Variants in MDFIC observed in about 807,000 individuals in gnomAD.
The protein encoded by MDFIC is myoD family inhibitor domain-containing protein.
Under a neutral mutation model 23.2 loss-of-function variants are expected in MDFIC, and 17 were observed. That is an observed-to-expected ratio of 0.73 (90% CI 0.50 to 1.10). The LOEUF is 1.10. MDFIC is among the 50% of genes least tolerant of loss of function. The probability of loss-of-function intolerance (pLI) is 0.00; values close to 1 mark genes in which losing one functional copy is unlikely to be tolerated. For synonymous variants in MDFIC, 120 were observed against 115.2 expected (o/e 1.04, Z -0.27); for missense variants, 356 against 316.6 (o/e 1.12, Z -0.95).
chr7:115,005,592 A>C (rs1791553761), intron 4 of MDFIC, among the ~76,000 whole-genome samples: 1 of 152,154 alleles, frequency 6.6e-6, no homozygotes, highest in African/African-American at 2.4e-5. Context: ...TATTTTCCCC[A>C]ATTTAAAGTA....
intron 2 of MDFIC, among the ~76,000 whole-genome samples, chr7:114,935,738 G>A (rs1792412103): frequency 6.6e-6 from 1 of 151,892 alleles, no homozygotes; most frequent in East Asian, 1.9e-4. Context: ...ATGTAGATGT[G>A]CGTTCAAAAG....
intron 3 of MDFIC, among the ~76,000 whole-genome samples, chr7:114,950,829 C>G (rs1585099601): frequency 6.6e-6 from 1 of 152,174 alleles, no homozygotes; most frequent in Non-Finnish European, 1.5e-5. Flanking sequence ...ATAGGTAAAG[C>G]TGGGTTTTTA....
intron 4 of MDFIC, among the ~76,000 whole-genome samples, chr7:114,997,877 C>T (rs1365496465): frequency 2.6e-5 from 4 of 152,102 alleles, no homozygotes; most frequent in Non-Finnish European, 5.9e-5. Context: ...CTATTTTTTA[C>T]AGTGACTTCT....
chr7:114,938,960 T>C (rs2115745137), intron 2 of MDFIC, among the ~76,000 whole-genome samples: 1 of 152,278 alleles, frequency 6.6e-6, no homozygotes, highest in Middle Eastern at 3.4e-3. Flanking sequence ...TTGTAATGAG[T>C]AGTGGCTGAC....
intron 4 of MDFIC, chr7:115,014,038 A>G: frequency 1.0e-6 from 1 of 985,432 alleles, no homozygotes; most frequent in Non-Finnish European, 1.2e-6. Flanking sequence ...AGGAAAGAAC[A>G]GTGTGTCCTT....
At chr7:114,929,084 G>GATCTATCGATCTATCTATCTATCT (rs1554470009) in intron 2 of MDFIC, among the ~76,000 whole-genome samples, 2 of 147,960 alleles carry the variant, frequency 1.4e-5, no homozygotes, top group Non-Finnish European at 3.0e-5. Context: ...GATAAATATA[G>GATCTATCGATCTATCTATCTATCT]ATCTATCTAT....
rs139850413 is a variant in MDFIC, at chr7:114,979,869, G to C, written c.493+88G>C. The stretch of plus-strand genomic sequence containing the variant: ...ATTTGATCAAGCATATATAATTGAA[G>C]AATCTTGCTTATCCTTCAGACAAAC... On this transcript the variant is annotated intron_variant, in intron 4 of 4. Coordinates refer to ENST00000393486, the MANE Select transcript of MDFIC (RefSeq NM_001166345.3). 6.3e-4 allele frequency: 921 copies of C among 1,455,944 alleles called. 6 individuals carry two copies. The African/African-American group carries it at 0.012, about 18-fold the overall frequency. 90.2% of individuals were successfully genotyped at this position (1,455,944 alleles called of 1,614,324 possible). A position where few individuals can be genotyped will look rare whatever the true frequency, so the allele number is the denominator to read the frequency against.
chr7:114,934,437 C>A (rs974420952), intron 2 of MDFIC, among the ~76,000 whole-genome samples: 1 of 152,126 alleles, frequency 6.6e-6, no homozygotes, highest in Non-Finnish European at 1.5e-5. Context: ...CCTATTCCTT[C>A]GCATATTTAT....
At chr7:114,925,160 A>G (rs756982039) in intron 2 of MDFIC, among the ~76,000 whole-genome samples, 31 of 152,184 alleles carry the variant, frequency 2.0e-4, no homozygotes, top group Non-Finnish European at 3.8e-4. Context: ...AGGAACATGA[A>G]GGATATGATC....
intron 2 of MDFIC, among the ~76,000 whole-genome samples, chr7:114,928,602 G>A (rs1563134465): frequency 6.6e-6 from 1 of 152,184 alleles, no homozygotes; most frequent in Non-Finnish European, 1.5e-5. Flanking sequence ...TGTTGGGGCT[G>A]TATGAAGGGT....
chr7:115,019,065 A>G lies in MDFIC; in HGVS notation c.*3130A>G, dbSNP rs891935437. 1 of 151,734 alleles carries G rather than the reference A, an allele frequency of 6.6e-6. No homozygotes were observed. Among genetic ancestry groups the G allele is most frequent in the South Asian group, 2.1e-4 (1 of 4,816 alleles). 9.4% of individuals were successfully genotyped at this position (151,734 alleles called of 1,614,324 possible). A position where few individuals can be genotyped will look rare whatever the true frequency, so the allele number is the denominator to read the frequency against. On this transcript the variant is annotated 3_prime_UTR_variant, in exon 5 of 5. Coordinates refer to ENST00000393486, the MANE Select transcript of MDFIC (RefSeq NM_001166345.3). The stretch of plus-strand genomic sequence containing the variant: ...AATTTCATTTATTTACTTTGGAGCT[A>G]TATTTCCACTTAGAAAAACTAAGGT...
chr7:114,951,326 G>T (rs570886316), intron 3 of MDFIC, among the ~76,000 whole-genome samples: 1 of 151,692 alleles, frequency 6.6e-6, no homozygotes, highest in African/African-American at 2.4e-5. Flanking sequence ...TCTCTAAGGT[G>T]AGGTCCCTGA....
chr7:114,983,563 CT>C lies in MDFIC; in HGVS notation c.493+3804del, dbSNP rs11388500. ...AAAGAAGCCTGCACTTCATCAGGTA[CT>C]TTTTTTTTTTTTTTTTTTTTTGAGG... On this transcript the variant is annotated intron_variant, in intron 4 of 4. Coordinates refer to ENST00000393486, the MANE Select transcript of MDFIC (RefSeq NM_001166345.3). Among the ~76,000 whole-genome samples the C allele has an allele frequency of 5.6e-3, 497 of 88,284 alleles. 3 individuals are homozygous for C. Among genetic ancestry groups the C allele is most frequent in the African/African-American group, 0.011 (254 of 22,144 alleles). The allele number at this position is 88,284 out of a possible 152,430, so 57.9% of individuals were successfully genotyped here. A position where few individuals can be genotyped will look rare whatever the true frequency, so the allele number is the denominator to read the frequency against.
intron 3 of MDFIC, among the ~76,000 whole-genome samples, chr7:114,957,622 G>T (rs1792908739): frequency 6.6e-6 from 1 of 152,152 alleles, no homozygotes; most frequent in African/African-American, 2.4e-5. Context: ...GGGAGATGTG[G>T]ATGTTAAAAT....
chr7:114,929,613 C>T (rs773504765), intron 2 of MDFIC, among the ~76,000 whole-genome samples: 2 of 151,996 alleles, frequency 1.3e-5, no homozygotes, highest in African/African-American at 4.8e-5. Context: ...TGAGTGGCAA[C>T]CTAGGAGGAG....
chr7:114,997,569 T>G (rs577415364), intron 4 of MDFIC, among the ~76,000 whole-genome samples: 4 of 91,332 alleles, frequency 4.4e-5, no homozygotes, highest in Admixed American at 1.2e-4. Context: ...GGACCTCATC[T>G]CTACAGGAAA....
intron 3 of MDFIC, among the ~76,000 whole-genome samples, chr7:114,966,163 G>A (rs1278625977): frequency 6.6e-6 from 1 of 152,100 alleles, no homozygotes; most frequent in African/African-American, 2.4e-5. Flanking sequence ...AGCAAATTTA[G>A]AAAATAAATT....
chr7:114,998,926 G>A (rs1791402374), intron 4 of MDFIC, among the ~76,000 whole-genome samples: 1 of 152,116 alleles, frequency 6.6e-6, no homozygotes, highest in African/African-American at 2.4e-5. Flanking sequence ...GCTCTAGTAG[G>A]AGGAGCATCT....
rs1793386723 is a variant in MDFIC at position 114,979,786 on chromosome 7, G to C, written c.493+5G>C. The C allele has an allele frequency of 9.9e-6, 16 of 1,612,062 alleles. No individual in the cohort carries two copies. The highest frequency in any genetic ancestry group is 1.4e-5 in the Non-Finnish European group (16 of 1,178,700). ...AGACAGGCTCTTCACCTGAAGGTAA[G>C]TTTGAGATATATGTAGATTTTATTT... On this transcript the variant is annotated splice_donor_5th_base_variant and intron_variant, in intron 4 of 4. Coordinates refer to ENST00000393486, the MANE Select transcript of MDFIC (RefSeq NM_001166345.3).
Sources: gnomAD v4.1 joint callset for allele counts (sites outside exome capture counted in the v4.1 genomes callset) on GRCh38, gnomAD v4.1.1 for gene constraint, MANE v1.5 for transcripts, NCBI Gene and HGNC (gene_info 2026-07-23, HGNC 2026-07-21) for gene names.